Variants in PDE8A observed in about 807,000 individuals in gnomAD.
PDE8A encodes the protein phosphodiesterase 8A, also known as high affinity cAMP-specific and IBMX-insensitive 3',5'-cyclic phosphodiesterase 8A.
A neutral mutation model predicts 105.0 loss-of-function variants in PDE8A; 59 were observed. The ratio of observed to expected loss-of-function variants is 0.56; its 90% CI spans 0.46 to 0.70. PDE8A has a LOEUF of 0.70. PDE8A is among the 30% of genes least tolerant of loss of function. The pLI, the probability that PDE8A is intolerant of heterozygous loss-of-function variation, is 0.00. For synonymous variants in PDE8A, 355 were observed against 371.9 expected, an observed-to-expected ratio of 0.95 and a Z score of 0.52; for missense variants, 1,014 against 1,045.9, an observed-to-expected ratio of 0.97 and a Z score of 0.42.
At chr15:85,000,758 C>T (rs528308777) in intron 1 of PDE8A, among the ~76,000 whole-genome samples, 342 of 152,342 alleles carry the variant, frequency 2.2e-3, no homozygotes, top group Non-Finnish European at 3.8e-3. Flanking sequence ...GTGCTTTGCT[C>T]TGGCCCTCAG....
chr15:85,137,655 CT>C (rs2082433726), intron 21 of PDE8A, 141 bp from the exon 22 acceptor site: 1 of 603,110 alleles, frequency 1.7e-6, no homozygotes, highest in Non-Finnish European at 3.0e-6. Context: ...CTCGTTGAAG[CT>C]GCTGGGTGTG....
intron 1 of PDE8A, among the ~76,000 whole-genome samples, chr15:85,056,224 C>G (rs1311790904): frequency 2.6e-5 from 4 of 152,174 alleles, no homozygotes; most frequent in African/African-American, 9.7e-5. Context: ...CGACCTTTCT[C>G]TCTGGCTGCC....
At chr15:85,122,740 A>G (rs2082201016) in intron 18 of PDE8A, among the ~76,000 whole-genome samples, 1 of 152,138 alleles carries the variant, frequency 6.6e-6, no homozygotes, top group Non-Finnish European at 1.5e-5. Flanking sequence ...TGGGCACTAA[A>G]ATGGTTGGGC....
At chr15:84,994,860 G>T (rs1181576407) in intron 1 of PDE8A, among the ~76,000 whole-genome samples, 2 of 151,958 alleles carry the variant, frequency 1.3e-5, no homozygotes, top group East Asian at 3.9e-4. Flanking sequence ...GCTACTAGAG[G>T]CTGAGGCAGG....
At chr15:85,104,099 A>C (rs958616668) in intron 11 of PDE8A, among the ~76,000 whole-genome samples, 3 of 152,222 alleles carry the variant, frequency 2.0e-5, no homozygotes, top group Non-Finnish European at 4.4e-5. Flanking sequence ...CTCACTGAGG[A>C]CACCAAATTG....
intron 3 of PDE8A, 111 bp from the exon 4 acceptor site, chr15:85,075,751 T>A: frequency 1.7e-6 from 1 of 591,806 alleles, no homozygotes; most frequent in African/African-American, 1.9e-5. Flanking sequence ...AGGGGATCAT[T>A]TACTCTCCCT....
chr15:85,122,222 T>A (rs1271994461), intron 18 of PDE8A, among the ~76,000 whole-genome samples: 1 of 152,180 alleles, frequency 6.6e-6, no homozygotes, highest in Non-Finnish European at 1.5e-5. Context: ...TTGTGTAATG[T>A]CTGATTAGAT....
At chr15:85,129,060 C>T (rs1157311376) in intron 20 of PDE8A, among the ~76,000 whole-genome samples, 1 of 152,206 alleles carries the variant, frequency 6.6e-6, no homozygotes, top group African/African-American at 2.4e-5. Context: ...GTATATCACA[C>T]TGATCTTCAT....
intron 19 of PDE8A, 86 bp downstream of exon 19, chr15:85,123,279 C>A (rs2082209582): frequency 5.3e-6 from 7 of 1,316,686 alleles, no homozygotes. Context: ...TGATATCAGC[C>A]ACAGAAGGGT....
At chr15:85,130,058 T>C (rs1238497754) in intron 20 of PDE8A, among the ~76,000 whole-genome samples, 2 of 152,196 alleles carry the variant, frequency 1.3e-5, no homozygotes, top group Non-Finnish European at 2.9e-5. Flanking sequence ...AGAACTAACA[T>C]CTGCTCAGCT....
chr15:85,037,938 T>C (rs558336338), intron 1 of PDE8A, among the ~76,000 whole-genome samples: 7 of 152,372 alleles, frequency 4.6e-5, no homozygotes, highest in East Asian at 1.9e-4. Context: ...CTTGTAGATA[T>C]ACAAATTGTA....
chr15:85,042,320 A>G (rs911996767), intron 1 of PDE8A, among the ~76,000 whole-genome samples: 2 of 152,040 alleles, frequency 1.3e-5, no homozygotes, highest in Non-Finnish European at 2.9e-5. Flanking sequence ...GACTACAGGT[A>G]TGTACCACCG....
chr15:84,993,014 C>T (rs142277756), intron 1 of PDE8A, among the ~76,000 whole-genome samples: 7 of 152,302 alleles, frequency 4.6e-5, no homozygotes, highest in African/African-American at 1.2e-4. Flanking sequence ...GGAGAAGTCA[C>T]AGGAAAGCGA....
intron 1 of PDE8A, among the ~76,000 whole-genome samples, chr15:84,984,564 TGCTTTTATAG>T (rs1166425155): frequency 6.6e-6 from 1 of 152,240 alleles, no homozygotes; most frequent in African/African-American, 2.4e-5. Context: ...CATTGGGGGA[TGCTTTTATAG>T]TCCTACAGCA....
intron 5 of PDE8A, among the ~76,000 whole-genome samples, chr15:85,082,222 C>A (rs2081478425): frequency 6.9e-6 from 1 of 144,430 alleles, no homozygotes; most frequent in Non-Finnish European, 1.6e-5. Flanking sequence ...AGGCATGTCA[C>A]CTCTGTCAGA....
chr15:85,017,901 C>CAAAAAAAAAAAAAAAA (rs1471033329), intron 1 of PDE8A, among the ~76,000 whole-genome samples: 4 of 44,734 alleles, frequency 8.9e-5, no homozygotes, highest in Non-Finnish European at 1.5e-4. Context: ...AAAAAAAAAG[C>CAAAAAAAAAAAAAAAA]AATAGTGGGA....
At chr15:85,038,216 G>GGTGT (rs773765859) in intron 1 of PDE8A, among the ~76,000 whole-genome samples, 12 of 48,324 alleles carry the variant, frequency 2.5e-4, no homozygotes, top group East Asian at 8.2e-4. Context: ...CCAATTGGGG[G>GGTGT]GTGTGTGTGT....
chr15:85,114,433 G>A (rs1031351600), intron 14 of PDE8A, among the ~76,000 whole-genome samples: 1 of 152,198 alleles, frequency 6.6e-6, no homozygotes, highest in Non-Finnish European at 1.5e-5. Context: ...GGTGCCGGGG[G>A]TGCAACAGTT....
chr15:84,988,644 C>G (rs1012000218), intron 1 of PDE8A, among the ~76,000 whole-genome samples: 1 of 152,228 alleles, frequency 6.6e-6, no homozygotes, highest in Non-Finnish European at 1.5e-5. Flanking sequence ...GCCTAGAGTG[C>G]TGTTCCCCCA....
Sources: allele counts gnomAD v4.1 joint callset (sites outside exome capture counted in the v4.1 genomes callset), GRCh38; gene constraint gnomAD v4.1.1; transcripts MANE v1.5; gene names NCBI Gene and HGNC (gene_info 2026-07-23, HGNC 2026-07-21).